Variants in FGFR1OP2 observed in about 807,000 individuals in gnomAD.
The protein encoded by FGFR1OP2 is fibroblast growth factor receptor 1 oncogene partner 2.
FGFR1OP2 carries 17 observed loss-of-function variants against 35.2 expected under a neutral mutation model. That is an observed-to-expected ratio of 0.48 (90% CI 0.33 to 0.73). The LOEUF is 0.73. Ranked by LOEUF, FGFR1OP2 falls within the 30% of genes least tolerant of loss-of-function variation. FGFR1OP2 has a pLI of 0.02. For synonymous variants in FGFR1OP2, 105 were observed against 104.6 expected (o/e 1.00, Z -0.03); for missense variants, 251 against 307.3 (o/e 0.82, Z 1.37).
At chr12:26,941,904 A>G (rs980049074) in intron 1 of FGFR1OP2, among the ~76,000 whole-genome samples, 1 of 152,218 alleles carries the variant, frequency 6.6e-6, no homozygotes, top group African/African-American at 2.4e-5. Flanking sequence ...CTATACAGGT[A>G]AAAAGCAAAC....
intron 1 of FGFR1OP2, among the ~76,000 whole-genome samples, chr12:26,944,266 TC>T (rs1938786536): frequency 6.6e-6 from 1 of 152,182 alleles, no homozygotes; most frequent in South Asian, 2.1e-4. Context: ...GTATGGTTTT[TC>T]CCCCCTTCCT....
At chr12:26,953,662 A>G (rs1339651547) in intron 1 of FGFR1OP2, 1 of 152,254 alleles carries the variant, frequency 6.6e-6, no homozygotes, top group African/African-American at 2.4e-5. Context: ...TCGGCTGGTC[A>G]GCAGTGTTTG....
intron 6 of FGFR1OP2, 131 bp downstream of exon 6, chr12:26,963,586 T>G (rs1189847301): frequency 1.8e-6 from 1 of 562,814 alleles, no homozygotes; most frequent in African/African-American, 1.9e-5. Flanking sequence ...GCTGTCTATG[T>G]GGGCATATTA....
intron 1 of FGFR1OP2, chr12:26,953,752 C>T (rs891214706): frequency 2.6e-5 from 4 of 152,858 alleles, no homozygotes; most frequent in Non-Finnish European, 4.4e-5. Flanking sequence ...AGTCATTGAC[C>T]CCAGAATACT....
In FGFR1OP2 at chr12:26,938,708, A is replaced by T. The variant is rs902688978; in HGVS notation, c.-17A>T. The T allele has an allele frequency of 6.6e-6, 1 of 152,442 alleles. No individual in the cohort carries two copies. The highest frequency in any genetic ancestry group is 1.5e-5 in the Non-Finnish European group (1 of 68,200). 9.4% of individuals were successfully genotyped at this position (152,442 alleles called of 1,614,324 possible). On this transcript the variant is annotated splice_region_variant and 5_prime_UTR_variant, in exon 1 of 7. Transcript: ENST00000229395. ...CTGAAGGCTGCGAGGGACTAAGAGC[A>T]GAGTAAGTGGACTAAATCCAGGGAC... is the stretch of plus-strand genomic sequence containing the variant.
At chr12:26,957,438 C>T (rs1333031047) in intron 3 of FGFR1OP2, among the ~76,000 whole-genome samples, 163 bp from the exon 4 acceptor site, 1 of 152,116 alleles carries the variant, frequency 6.6e-6, no homozygotes, top group Non-Finnish European at 1.5e-5. Flanking sequence ...ATTCAAAAAA[C>T]TAATACGGGA....
chr12:26,946,639 CTCTTT>C (rs1339748202), intron 1 of FGFR1OP2, among the ~76,000 whole-genome samples: 1 of 152,172 alleles, frequency 6.6e-6, no homozygotes, highest in Non-Finnish European at 1.5e-5. Flanking sequence ...GCCACTCTAG[CTCTTT>C]TCTTAAATAT....
chr12:26,939,479 A>G (rs1024055025), intron 1 of FGFR1OP2, among the ~76,000 whole-genome samples: 7 of 152,152 alleles, frequency 4.6e-5, no homozygotes, highest in African/African-American at 1.2e-4. Context: ...TTAATATCCT[A>G]CCATACAAGA....
At chr12:26,946,952 C>G (rs1215633709) in intron 1 of FGFR1OP2, among the ~76,000 whole-genome samples, 1 of 151,956 alleles carries the variant, frequency 6.6e-6, no homozygotes, top group East Asian at 1.9e-4. Flanking sequence ...TGACTTCTTT[C>G]ACTGAGCATA....
intron 3 of FGFR1OP2, 127 bp downstream of exon 3, chr12:26,956,787 T>G: frequency 2.4e-6 from 1 of 425,360 alleles, no homozygotes; most frequent in Non-Finnish European, 4.3e-6. Flanking sequence ...ATTCTCACCC[T>G]TAATATCCAG....
chr12:26,946,135 A>T (rs1938818475), intron 1 of FGFR1OP2, among the ~76,000 whole-genome samples: 1 of 152,174 alleles, frequency 6.6e-6, no homozygotes, highest in Non-Finnish European at 1.5e-5. Context: ...GTAAGGGTGG[A>T]TATGCCTATA....
At chr12:26,943,314 T>C (rs866390617) in intron 1 of FGFR1OP2, among the ~76,000 whole-genome samples, 2 of 152,250 alleles carry the variant, frequency 1.3e-5, no homozygotes, top group East Asian at 3.8e-4. Flanking sequence ...GCCACCTTGA[T>C]TGAAGTAGCT....
intron 1 of FGFR1OP2, among the ~76,000 whole-genome samples, chr12:26,950,341 G>C (rs1938906573): frequency 6.9e-6 from 1 of 144,278 alleles, no homozygotes; most frequent in Non-Finnish European, 1.5e-5. Context: ...TCCTGCCTCA[G>C]CCTCCTGCGT....
intron 1 of FGFR1OP2, among the ~76,000 whole-genome samples, chr12:26,950,224 T>TTTTTG (rs1226764085): frequency 1.8e-5 from 2 of 111,342 alleles, no homozygotes; most frequent in Non-Finnish European, 3.6e-5. Context: ...TTTTTTTTTT[T>TTTTTG]TTTTTTTTTT....
At chr12:26,947,612 G>A (rs1938850708) in intron 1 of FGFR1OP2, among the ~76,000 whole-genome samples, 1 of 152,032 alleles carries the variant, frequency 6.6e-6, no homozygotes, top group African/African-American at 2.4e-5. Context: ...GAATTCCTGG[G>A]CTCAAGCAAT....
rs187404020 is a variant in FGFR1OP2, at chr12:26,952,545, G to C, written c.-14-1600G>C. 2.0e-3 allele frequency among the ~76,000 whole-genome samples: 303 copies of C among 152,240 alleles called. 1 individual carries two copies. Among genetic ancestry groups the C allele is most frequent in the African/African-American group, 6.5e-3 (269 of 41,534 alleles). On this transcript the variant is annotated intron_variant, in intron 1 of 6. Transcript: ENST00000229395. ...TTCTTAAGGCTCTCTGGAAATGTCT[G>C]ATCATATATTGGACATTTTCTAAAT...
At chr12:26,962,536 T>C (rs1297314927) in intron 5 of FGFR1OP2, 1 of 152,210 alleles carries the variant, frequency 6.6e-6, no homozygotes, top group African/African-American at 2.4e-5. Context: ...TTTCTGTTGA[T>C]TTTAAACCTT....
intron 5 of FGFR1OP2, chr12:26,961,023 G>A (rs1193221166): frequency 6.3e-6 from 1 of 157,780 alleles, no homozygotes; most frequent in African/African-American, 2.4e-5. Flanking sequence ...ATAGTTTGTA[G>A]TCCTTTGATT....
rs1451554919 is a variant in FGFR1OP2, at chr12:26,956,606, A to G, written c.199A>G (p.Met67Val). The part of the protein sequence containing the change: ...ARHRPRSTLV[M>V]GIQQENRQIR... ...ACATCGGCCACGGTCCACGTTAGTT[A>G]TGGGAATCCAGCAAGAAAACAGACA... The change falls in exon 3 of 7, where the codon ATG becomes GTG. Residue 67 changes from methionine (M) to valine (V), a missense_variant. Transcript: ENST00000229395. The G allele has an allele frequency of 3.7e-6, 6 of 1,606,956 alleles. 1 individual carries two copies. The South Asian group carries it at 4.4e-5, about 12-fold the overall frequency.
Sources: allele counts gnomAD v4.1 joint callset (sites outside exome capture counted in the v4.1 genomes callset), GRCh38; gene constraint gnomAD v4.1.1; transcripts MANE v1.5; gene names NCBI Gene and HGNC (gene_info 2026-07-23, HGNC 2026-07-21).